The following SPTA1 variants were observed in gnomAD, a reference collection of about 807,000 sequenced individuals.
The protein encoded by SPTA1 is spectrin alpha chain, erythrocytic 1.
In SPTA1, 177 loss-of-function variants were observed where a neutral mutation model predicts 324.7. The ratio of observed to expected loss-of-function variants is 0.55; its 90% CI spans 0.48 to 0.62. The LOEUF (loss-of-function observed/expected upper bound fraction) is 0.62, where lower values mean the gene tolerates loss of function less well. Ranked by LOEUF, SPTA1 falls within the 20% of genes least tolerant of loss-of-function variation. The pLI is 0.00. For missense variants in SPTA1, 3,162 were observed against 2,883.6 expected, an observed-to-expected ratio of 1.10 and a Z score of -2.21; for synonymous variants, 1,195 against 1,041.3, an observed-to-expected ratio of 1.15 and a Z score of -2.84.
chr1:158,611,482 T>C, intron 51 of SPTA1, 93 bp from the exon 52 acceptor site: 4 of 1,487,744 alleles, frequency 2.7e-6, no homozygotes, highest in Non-Finnish European at 3.7e-6. Context: ...ATGCAGGAGA[T>C]GGAGAGTCTC....
intron 6 of SPTA1, 120 bp from the exon 7 acceptor site, chr1:158,677,954 C>G: frequency 3.2e-6 from 4 of 1,248,754 alleles, no homozygotes; most frequent in Non-Finnish European, 4.6e-6. Context: ...TCCTTTCTTC[C>G]TACATACTAG....
Position 158,657,682 on chromosome 1 carries a change from G to A in SPTA1, c.2600C>T (p.Ala867Val), listed in dbSNP as rs115877891. 1 of 1,614,046 alleles carries A rather than the reference G, an allele frequency of 6.2e-7. No individual in the cohort carries two copies. The highest frequency in any genetic ancestry group is 8.5e-7 in the Non-Finnish European group (1 of 1,179,982). ...NKMVEEGHFA[A>V]EDVASRVKSL... The stretch of plus-strand genomic sequence containing the variant: ...CTTGACCCTAGAGGCCACATCTTCT[G>A]CAGCAAAGTGTCCTATGGAGTAATT... The change falls in exon 19 of 52, where the codon GCA becomes GTA. Residue 867 changes from alanine to valine, a missense_variant. Transcript: ENST00000643759.
chr1:158,675,154 C>T (rs1484933480), intron 8 of SPTA1, among the ~76,000 whole-genome samples: 13 of 152,120 alleles, frequency 8.5e-5, no homozygotes, highest in Non-Finnish European at 1.5e-5. Flanking sequence ...GTTAAATGCT[C>T]ATCTTTTGTT....
At position 158,676,284 on chromosome 1, in the gene SPTA1, T is replaced by C; in HGVS notation, c.969A>G (p.Leu323=). The C allele has an allele frequency of 1.2e-6, 2 of 1,613,586 alleles. No homozygotes were observed. The highest frequency in any genetic ancestry group is 8.5e-7 in the Non-Finnish European group (1 of 1,179,662). Residue 323 remains leucine, a synonymous_variant, in exon 8 of 52, where the codon TTA becomes TTG. Coordinates refer to ENST00000643759, the MANE Select transcript of SPTA1 (RefSeq NM_003126.4). ...GTGTCAGCTTCTCTGCTTTAGCACA[T>C]AACTCCTTCACCTTTGGGATGAAAA... is the stretch of plus-strand genomic sequence containing the variant. ...LAVMSDKVKE[L]CAKAEKLTLS... is the part of the protein sequence containing the mutation.
intron 33 of SPTA1, among the ~76,000 whole-genome samples, chr1:158,641,695 CTT>C (rs993242873): frequency 7.6e-4 from 116 of 152,312 alleles, no homozygotes; most frequent in African/African-American, 2.7e-3. Flanking sequence ...AATAGGAACA[CTT>C]TTACACTGCT....
At chr1:158,659,280 A>AAATTAGACT (rs1653034503) in intron 18 of SPTA1, among the ~76,000 whole-genome samples, 1 of 152,104 alleles carries the variant, frequency 6.6e-6, no homozygotes, top group African/African-American at 2.4e-5. Context: ...ATATTATTTG[A>AAATTAGACT]AATTAGACTA....
At chr1:158,622,566 T>C (rs1649984061) in intron 43 of SPTA1, among the ~76,000 whole-genome samples, 1 of 152,312 alleles carries the variant, frequency 6.6e-6, no homozygotes, top group South Asian at 2.1e-4. Flanking sequence ...AAATGACTTT[T>C]ACAAGGTCTT....
intron 2 of SPTA1, among the ~76,000 whole-genome samples, chr1:158,683,954 T>C (rs1654995419): frequency 6.6e-6 from 1 of 152,082 alleles, no homozygotes; most frequent in Non-Finnish European, 1.5e-5. Flanking sequence ...GTGTTTCCTG[T>C]CCAACATCAA....
intron 42 of SPTA1, among the ~76,000 whole-genome samples, chr1:158,624,619 C>T (rs1318021826): frequency 4.6e-5 from 7 of 152,142 alleles, no homozygotes; most frequent in African/African-American, 1.7e-4. Context: ...ATTTTACAGA[C>T]AATCTCATGG....
Position 158,627,711 on chromosome 1 carries a change from T to C in SPTA1, c.5578A>G (p.Lys1860Glu). 1 of 1,612,718 alleles carries C rather than the reference T, an allele frequency of 6.2e-7. No individual in the cohort carries two copies. Among genetic ancestry groups the C allele is most frequent in the Non-Finnish European group, 8.5e-7 (1 of 1,179,686 alleles). Residue 1860 changes from lysine to glutamate, a missense_variant, in exon 40 of 52, where the codon AAG becomes GAG. Lys to Glu is a moderately conservative substitution (Grantham distance 56, BLOSUM62 1). Transcript: ENST00000643759. ...AAGTCATTTTCCAAAGCTTCATGCT[T>C]CATTAGCAAGCTCTGCATAAATAAG... ...TLAATQSLLMKHEALENDFAV... is the reference protein window; with the variant it reads ...TLAATQSLLMEHEALENDFAV...
At chr1:158,679,733 T>A (rs1654660536) in intron 5 of SPTA1, among the ~76,000 whole-genome samples, 1 of 152,064 alleles carries the variant, frequency 6.6e-6, no homozygotes. Context: ...ATTCACAGAG[T>A]CATTAACAAG....
intron 18 of SPTA1, among the ~76,000 whole-genome samples, chr1:158,658,076 C>T (rs754247349): frequency 2.0e-5 from 3 of 152,080 alleles, no homozygotes; most frequent in Non-Finnish European, 4.4e-5. Context: ...CCACCCTAAA[C>T]AACTAGAAAA....
chr1:158,655,123 A>G (rs1652738239), intron 20 of SPTA1, among the ~76,000 whole-genome samples: 1 of 152,152 alleles, frequency 6.6e-6, no homozygotes, highest in Non-Finnish European at 1.5e-5. Context: ...AGAAAGTGAA[A>G]AGACCCACTC....
At chr1:158,624,117 CTGCAGGG>C (rs1650104627) in intron 42 of SPTA1, among the ~76,000 whole-genome samples, 1 of 24,708 alleles carries the variant, frequency 4.0e-5, no homozygotes, top group Admixed American at 3.7e-4. Context: ...CACCTACATA[CTGCAGGG>C]GTAGAAGTCT....
chr1:158,627,684 C>G lies in SPTA1; in HGVS notation c.5605G>C (p.Ala1869Pro). Reference protein sequence around the residue: ...MKHEALENDFAVHETRVQNVC... With the variant: ...MKHEALENDFPVHETRVQNVC... ...TTTTGTACTCGGGTCTCATGGACAG[C>G]AAAGTCATTTTCCAAAGCTTCATGC... Residue 1869 changes from alanine to proline, a missense_variant, in exon 40 of 52, where the codon GCT becomes CCT. Ala to Pro is a conservative substitution (Grantham distance 27, BLOSUM62 -1). Coordinates refer to ENST00000643759, the MANE Select transcript of SPTA1 (RefSeq NM_003126.4). 1 of 1,613,244 alleles carries G rather than the reference C, an allele frequency of 6.2e-7. No individual in the cohort carries two copies. Among genetic ancestry groups the G allele is most frequent in the Non-Finnish European group, 8.5e-7 (1 of 1,179,734 alleles).
At chr1:158,640,031 C>A in intron 33 of SPTA1, 24 bp from the exon 34 acceptor site, 2 of 1,613,604 alleles carry the variant, frequency 1.2e-6, no homozygotes, top group Non-Finnish European at 1.7e-6. Flanking sequence ...AGTGAGGAGT[C>A]ATTACAATCT....
At chr1:158,648,105 G>C (rs1439820946) in intron 26 of SPTA1, among the ~76,000 whole-genome samples, 1 of 152,098 alleles carries the variant, frequency 6.6e-6, no homozygotes, top group Non-Finnish European at 1.5e-5. Flanking sequence ...GGTTGAAACA[G>C]AGTTAAACAA....
chr1:158,678,198 T>G (rs1654530782), intron 6 of SPTA1, among the ~76,000 whole-genome samples: 1 of 152,140 alleles, frequency 6.6e-6, no homozygotes, highest in African/African-American at 2.4e-5. Context: ...TATTTTGATC[T>G]CCAATCTCTA....
chr1:158,638,567 C>G (rs1651273799), intron 35 of SPTA1, among the ~76,000 whole-genome samples: 1 of 151,894 alleles, frequency 6.6e-6, no homozygotes, highest in African/African-American at 2.4e-5. Flanking sequence ...CCTGTAATCC[C>G]AGCACTTTGA....
Sources: gnomAD v4.1 joint callset for allele counts (sites outside exome capture counted in the v4.1 genomes callset) on GRCh38, gnomAD v4.1.1 for gene constraint, MANE v1.5 for transcripts, NCBI Gene and HGNC (gene_info 2026-07-23, HGNC 2026-07-21) for gene names.